The following CACNG8 variants were observed in gnomAD, a reference collection of about 807,000 sequenced individuals.
The protein encoded by CACNG8 is calcium voltage-gated channel auxiliary subunit gamma 8.
In CACNG8, 5 loss-of-function variants were observed where a neutral mutation model predicts 26.9. The observed-to-expected ratio is 0.19, with a 90% CI of 0.10 to 0.39. The LOEUF (loss-of-function observed/expected upper bound fraction) is 0.39. Among genes scored for constraint, CACNG8 ranks in the 10% least tolerant of loss-of-function variants. The pLI is 1.00. For synonymous variants in CACNG8, 321 were observed against 296.7 expected (o/e 1.08, Z -0.84); for missense variants, 473 against 609.4 (o/e 0.78, Z 2.36).
intron 1 of CACNG8, 137 bp downstream of exon 1, chr19:53,963,562 TC>T: frequency 4.7e-6 from 4 of 845,306 alleles, no homozygotes; most frequent in South Asian, 2.0e-5. Context: ...TTCTGCGCCT[TC>T]CCACTCGCGC....
intron 1 of CACNG8, among the ~76,000 whole-genome samples, chr19:53,968,245 C>T (rs944184056): frequency 6.6e-6 from 1 of 151,700 alleles, no homozygotes; most frequent in Non-Finnish European, 1.5e-5. Flanking sequence ...AGTGCTGGTG[C>T]GTGCCTGTGG....
Position 53,982,036 on chromosome 19 carries a change from GCC to G in CACNG8, c.509-43_509-42del. 1 of 1,484,988 alleles carries G rather than the reference GCC, an allele frequency of 6.7e-7. No homozygotes were observed. Among genetic ancestry groups the G allele is most frequent in the Non-Finnish European group, 9.0e-7 (1 of 1,117,130 alleles). The allele number at this position is 1,484,988 out of a possible 1,614,324, so 92.0% of individuals were successfully genotyped here. A position where few individuals can be genotyped will look rare whatever the true frequency, so the allele number is the denominator to read the frequency against. On this transcript the variant is annotated intron_variant, in intron 3 of 3. Coordinates refer to ENST00000270458, the MANE Select transcript of CACNG8 (RefSeq NM_031895.6). This position sits in a 1 kb window ranked among gnomAD's most constrained non-coding sequence, Gnocchi z 8.4. ...GGTCGGGGCCGGGGGCGGGGGCGGG[GCC>G]GGGGGTGGCCTCGAGGCTCCCGTCT...
At position 53,971,161 on chromosome 19, in the gene CACNG8, G is replaced by A. The variant is rs570386119; in HGVS notation, c.284-6985G>A. ...ACAAAATTTAGCCAGGTGCAGTGGT[G>A]GGCAACTGTAATTCCAGCTACTCGG... On this transcript the variant is annotated intron_variant, in intron 1 of 3. Transcript: ENST00000270458. Among the ~76,000 whole-genome samples the A allele has an allele frequency of 9.9e-5, 15 of 151,362 alleles. No individual in the cohort carries two copies. In the South Asian group the frequency reaches 2.9e-3, roughly 29 times the overall value.
chr19:53,963,105 G>T lies in CACNG8; in HGVS notation c.-38G>T, dbSNP rs1266225576. 2 of 1,241,110 alleles carry T rather than the reference G, an allele frequency of 1.6e-6. No individual in the cohort carries two copies. The highest frequency in any genetic ancestry group is 1.0e-6 in the Non-Finnish European group (1 of 971,752). The allele number at this position is 1,241,110 out of a possible 1,614,324, so 76.9% of individuals were successfully genotyped here. On this transcript the variant is annotated 5_prime_UTR_variant, in exon 1 of 4. Transcript: ENST00000270458. ...GGCACGGCCCCGCCCCCGCTGCCCCGGTGGTGGCCCACGGCCCCCCGGCTG... is the reference window on the plus strand; with the variant it reads ...GGCACGGCCCCGCCCCCGCTGCCCCTGTGGTGGCCCACGGCCCCCCGGCTG...
rs780390149 is a variant in CACNG8 at position 53,984,473 on chromosome 19, G to A, written c.*1624G>A. On this transcript the variant is annotated 3_prime_UTR_variant, in exon 4 of 4. Coordinates refer to ENST00000270458, the MANE Select transcript of CACNG8 (RefSeq NM_031895.6). ...CATTCTGGGTCTTGAAGAAATGAGT[G>A]GGCATCTTCTGGTTGATGAAAGGCA... 1 of 152,286 alleles carries A rather than the reference G, an allele frequency of 6.6e-6. No homozygotes were observed. The highest frequency in any genetic ancestry group is 1.5e-5 in the Non-Finnish European group (1 of 68,080). 9.4% of individuals were successfully genotyped at this position (152,286 alleles called of 1,614,324 possible).
chr19:53,963,804 CTTTT>C (rs34483691), intron 1 of CACNG8, among the ~76,000 whole-genome samples: 1 of 128,164 alleles, frequency 7.8e-6, no homozygotes, highest in Non-Finnish European at 1.6e-5. Flanking sequence ...TGCCTTTTCT[CTTTT>C]TTTTTTTTTT....
At position 53,963,037 on chromosome 19, in the gene CACNG8, G is replaced by C; in HGVS notation, c.-106G>C. The stretch of plus-strand genomic sequence containing the variant: ...CCCTCCCCAGCCCCGCCGGCCCCGG[G>C]CCCCCCGCTTCTGCCTGCGCTGTGA... On this transcript the variant is annotated 5_prime_UTR_variant, in exon 1 of 4. Coordinates refer to ENST00000270458, the MANE Select transcript of CACNG8 (RefSeq NM_031895.6). 1 of 455,496 alleles carries C rather than the reference G, an allele frequency of 2.2e-6. No individual in the cohort carries two copies. The highest frequency in any genetic ancestry group is 3.4e-6 in the Non-Finnish European group (1 of 291,882). The allele number at this position is 455,496 out of a possible 1,614,324, so 28.2% of individuals were successfully genotyped here.
chr19:53,963,194 G>A lies in CACNG8; in HGVS notation c.52G>A (p.Gly18Arg). 1 of 1,594,360 alleles carries A rather than the reference G, an allele frequency of 6.3e-7. No individual in the cohort carries two copies. Among genetic ancestry groups the A allele is most frequent in the Non-Finnish European group, 8.5e-7 (1 of 1,172,320 alleles). Residue 18 changes from glycine to arginine, a missense_variant, in exon 1 of 4, where the codon GGG becomes AGG. This residue lies in a region of CACNG8 where 26 missense variants were observed against 23.8 expected (regional missense o/e 1.09). Transcript: ENST00000270458. Reference sequence around the variant, plus strand: ...AGAGCGGGGCCTCTGGTGCGAGAAGGGGGTGCAGGTGCTGCTGACGACGGT... The same window carrying A: ...AGAGCGGGGCCTCTGGTGCGAGAAGAGGGTGCAGGTGCTGCTGACGACGGT...
intron 1 of CACNG8, among the ~76,000 whole-genome samples, chr19:53,969,698 C>A (rs572970893): frequency 1.3e-5 from 2 of 152,290 alleles, no homozygotes; most frequent in East Asian, 1.9e-4. Flanking sequence ...AGCCACTGTG[C>A]TCCTGGGAAC....
At chr19:53,975,607 T>C (rs958182215) in intron 1 of CACNG8, among the ~76,000 whole-genome samples, 1 of 152,122 alleles carries the variant, frequency 6.6e-6, no homozygotes, top group Non-Finnish European at 1.5e-5. Context: ...CTCAAACTCC[T>C]GACCTCAGGT....
chr19:53,973,150 G>A (rs554949129), intron 1 of CACNG8, among the ~76,000 whole-genome samples: 1 of 152,322 alleles, frequency 6.6e-6, no homozygotes, highest in South Asian at 2.1e-4. Context: ...GCAATCCGGT[G>A]TGCCATGTGG....
intron 1 of CACNG8, among the ~76,000 whole-genome samples, chr19:53,971,562 G>C (rs780593577): frequency 1.3e-5 from 2 of 152,182 alleles, no homozygotes; most frequent in African/African-American, 4.8e-5. Context: ...CCCAGCTTGT[G>C]CCCCCTCCTC....
intron 1 of CACNG8, among the ~76,000 whole-genome samples, chr19:53,971,626 C>T (rs1483577731): frequency 1.3e-5 from 2 of 152,238 alleles, no homozygotes; most frequent in East Asian, 3.8e-4. Flanking sequence ...AGTCTGGGCC[C>T]ACAGCCCTAT....
In CACNG8 at chr19:53,963,288, C is replaced by G. The variant is rs1479935883; in HGVS notation, c.146C>G (p.Ala49Gly). 1 of 1,609,052 alleles carries G rather than the reference C, an allele frequency of 6.2e-7. No individual in the cohort carries two copies. The highest frequency in any genetic ancestry group is 1.3e-5 in the African/African-American group (1 of 74,694). Reference sequence around the variant, plus strand: ...ACTGACTACTGGCTCTACACGCGCGCCCTCATCTGCAACACCACCAACCTC... The same window carrying G: ...ACTGACTACTGGCTCTACACGCGCGGCCTCATCTGCAACACCACCAACCTC... Residue 49 changes from alanine to glycine, a missense_variant, in exon 1 of 4, where the codon GCC (alanine) becomes GGC (glycine). By Grantham distance (60) the Ala-to-Gly change is moderately conservative. Around this residue, in one of 6 missense-constraint regions of CACNG8, gnomAD observed 69 missense variants for 66.7 expected, o/e 1.03. Coordinates refer to ENST00000270458, the MANE Select transcript of CACNG8 (RefSeq NM_031895.6).
At chr19:53,967,671 C>G (rs2069279138) in intron 1 of CACNG8, among the ~76,000 whole-genome samples, 1 of 152,032 alleles carries the variant, frequency 6.6e-6, no homozygotes, top group Non-Finnish European at 1.5e-5. Flanking sequence ...CTGGTCTCCA[C>G]TAAAAATACG....
intron 1 of CACNG8, among the ~76,000 whole-genome samples, chr19:53,972,553 G>T (rs994474126): frequency 1.3e-5 from 2 of 150,610 alleles, no homozygotes; most frequent in African/African-American, 4.9e-5. Context: ...GAAGAGACAG[G>T]GTTTCACCAC....
rs1392683654 is a variant in CACNG8 at position 53,987,133 on chromosome 19, C to G, written c.*4284C>G. ...TCAGGCTGGAGTCCAGTGGGCTGAT[C>G]TCGGCTCACTGCCAACCTCCGCCTC... On this transcript the variant is annotated 3_prime_UTR_variant, in exon 4 of 4. Coordinates refer to ENST00000270458, the MANE Select transcript of CACNG8 (RefSeq NM_031895.6). The G allele has an allele frequency of 6.6e-6, 1 of 152,240 alleles. No homozygotes were observed. The highest frequency in any genetic ancestry group is 1.5e-5 in the Non-Finnish European group (1 of 68,072). 9.4% of individuals were successfully genotyped at this position (152,240 alleles called of 1,614,324 possible).
chr19:53,963,821 T>TG (rs1056154115), intron 1 of CACNG8, among the ~76,000 whole-genome samples: 2 of 145,546 alleles, frequency 1.4e-5, no homozygotes, highest in Non-Finnish European at 3.0e-5. Context: ...TTTTTTTTTT[T>TG]GACAAGGTCT....
chr19:53,972,287 C>T lies in CACNG8; in HGVS notation c.284-5859C>T, dbSNP rs11883332. ...CTGGGATTACAGCTGTGAGCCACTG[C>T]GCCTGGTCTTCTGTGCCTTTCTTTC... On this transcript the variant is annotated intron_variant, in intron 1 of 3. Transcript: ENST00000270458. Among the ~76,000 whole-genome samples, 842 of 150,826 alleles carry T rather than the reference C, an allele frequency of 5.6e-3. 4 individuals carry two copies. Among genetic ancestry groups the T allele is most frequent in the African/African-American group, 0.013 (525 of 41,186 alleles).
Sources: gnomAD v4.1 joint callset for allele counts (sites outside exome capture counted in the v4.1 genomes callset) on GRCh38, gnomAD v4.1.1 for gene constraint, gnomAD v4.1.1 regional missense constraint, Gnocchi (gnomAD v3.1) non-coding constraint, MANE v1.5 for transcripts, NCBI Gene and HGNC (gene_info 2026-07-23, HGNC 2026-07-21) for gene names.